The following OFD1 variants were observed in gnomAD, a reference collection of about 807,000 sequenced individuals.
The protein encoded by OFD1 is centriole and centriolar satellite protein OFD1.
Under a neutral mutation model 81.4 loss-of-function variants are expected in OFD1, and 12 were observed. The ratio of observed to expected loss-of-function variants is 0.15; its 90% CI spans 0.09 to 0.24. The LOEUF is 0.24. Ranked by LOEUF, OFD1 falls within the 10% of genes least tolerant of loss-of-function variation. The pLI is 1.00. For missense variants in OFD1, 685 were observed against 733.9 expected (o/e 0.93, Z 0.77); for synonymous variants, 256 against 263.7 (o/e 0.97, Z 0.28).
chrX:13,772,828 C>CTGA, downstream of OFD1: 2 of 1,143,409 alleles, frequency 1.7e-6, no homozygotes, highest in Non-Finnish European at 2.4e-6. Context: ...GAGCAGCTGT[C>CTGA]TGATGATTTG....
At chrX:13,755,551 A>G (rs988257998) in intron 12 of OFD1, among the ~76,000 whole-genome samples, 2 of 111,602 alleles carry the variant, frequency 1.8e-5, no homozygotes, top group Non-Finnish European at 3.8e-5. Flanking sequence ...TTTCCACATT[A>G]TAGGGTTGTT....
Position 13,760,397 on chromosome X carries a change from A to G in OFD1, c.1937A>G (p.Glu646Gly), listed in dbSNP as rs1460866915. Residue 646 changes from glutamate to glycine, a missense_variant, in exon 16 of 23, where the codon GAA becomes GGA. Physicochemically the swap from Glu to Gly is moderately conservative, Grantham distance 98. Coordinates refer to ENST00000340096, the MANE Select transcript of OFD1 (RefSeq NM_003611.3). ...CTTCAGCAAGAGGCCGAACGCTTGG[A>G]AAAGGCTTTCAGAAGTTACCATCGG... ...KELQQEAERL[E>G]KAFRSYHRRV... is the part of the protein sequence containing the mutation. 1 of 1,206,117 alleles carries G rather than the reference A, an allele frequency of 8.3e-7. No homozygotes were observed. The highest frequency in any genetic ancestry group is 1.1e-6 in the Non-Finnish European group (1 of 893,024).
intron 18 of OFD1, among the ~76,000 whole-genome samples, chrX:13,762,704 T>C (rs373657763): frequency 1.3e-4 from 15 of 112,715 alleles, no homozygotes; most frequent in African/African-American, 4.5e-4. Flanking sequence ...TATTAACTTA[T>C]CAGATTTTAA....
At chrX:13,740,464 T>C (rs1039828381) in intron 5 of OFD1, among the ~76,000 whole-genome samples, 2 of 112,052 alleles carry the variant, frequency 1.8e-5, no homozygotes, top group Non-Finnish European at 3.8e-5. Context: ...AACTATTACT[T>C]CAAAAGGAAA....
At chrX:13,714,574 T>G in the OFD1 span, 1 of 610,711 alleles carries the variant, frequency 1.6e-6, no homozygotes, top group Non-Finnish European at 2.4e-6. Context: ...AGGAAATCAT[T>G]TTAAAGTTTT....
chrX:13,747,436 A>C (rs1347783080), intron 8 of OFD1, among the ~76,000 whole-genome samples: 2 of 111,675 alleles, frequency 1.8e-5, no homozygotes, highest in Admixed American at 9.5e-5. Context: ...ATTTGTAAGT[A>C]TCTCTCTGTC....
chrX:13,714,637 A>T, the OFD1 span: 1 of 385,806 alleles, frequency 2.6e-6, no homozygotes, highest in Non-Finnish European at 4.5e-6. Context: ...TTTAAGTTTT[A>T]TTGAAAATGC....
At position 13,751,333 on chromosome X, in the gene OFD1, G is replaced by A. The variant is rs5979959; in HGVS notation, c.1020G>A (p.Glu340=). 1.1e-3 allele frequency: 1,306 copies of A among 1,199,911 alleles called. 9 individuals carry two copies. The African/African-American group carries it at 0.02, about 19-fold the overall frequency. ...RQEQNIKSFE[E]TYDRKLKNEL... is the part of the protein sequence containing the mutation. ...AGCAGAATATAAAGAGTTTTGAGGAGACCTATGACCGAAAGCTCAAGAATG... is the reference window on the plus strand; with the variant it reads ...AGCAGAATATAAAGAGTTTTGAGGAAACCTATGACCGAAAGCTCAAGAATG... The change falls in exon 10 of 23, where the codon GAG becomes GAA. Residue 340 remains glutamate, a synonymous_variant. Coordinates refer to ENST00000340096, the MANE Select transcript of OFD1 (RefSeq NM_003611.3).
the OFD1 span, chrX:13,715,705 T>G: frequency 1.5e-6 from 1 of 650,286 alleles, no homozygotes; most frequent in Non-Finnish European, 1.9e-6. Flanking sequence ...TAGGCTGCTT[T>G]CTTGCTGTCT....
At chrX:13,771,387 TAA>T (rs36124011), downstream of OFD1, 98 of 100,804 alleles carry the variant, frequency 9.7e-4, no homozygotes, top group South Asian at 0.024. Context: ...TCTCTTAATT[TAA>T]AAAAAAAAAA....
At position 13,743,748 on chromosome X, in the gene OFD1, G is replaced by GTTTTTCCCCATT. The variant is rs199580554; in HGVS notation, c.413-663_413-652dup. On this transcript the variant is annotated intron_variant, in intron 5 of 22. Coordinates refer to ENST00000340096, the MANE Select transcript of OFD1 (RefSeq NM_003611.3). ...GTAGTTTTTTCTGCAAACTACCCAT[G>GTTTTTCCCCATT]TTTTTCCCCATTTTTCTGATTTTTT... Among the ~76,000 whole-genome samples, 1,262 of 108,841 alleles carry GTTTTTCCCCATT rather than the reference G, an allele frequency of 0.012. 71 individuals carry two copies. In the Admixed American group the frequency reaches 0.12, roughly 10 times the overall value. The allele number at this position is 108,841 out of a possible 115,157, so 94.5% of individuals were successfully genotyped here. A position where few individuals can be genotyped will look rare whatever the true frequency, so the allele number is the denominator to read the frequency against.
Position 13,762,394 on chromosome X carries a change from T to G in OFD1, c.2438T>G (p.Val813Gly). 8.3e-7 allele frequency: 1 copy of G among 1,203,150 alleles called. No individual in the cohort carries two copies. The highest frequency in any genetic ancestry group is 1.8e-5 in the South Asian group (1 of 56,755). ...CAAGACAAAAGTGAATTTTCAGATG[T>G]GGACAAGCTAGCTTTTAAGGATAAT... ...ELQDKSEFSD[V>G]DKLAFKDNEE... Residue 813 changes from valine to glycine, a missense_variant, in exon 18 of 23, where the codon GTG (valine) becomes GGG (glycine). Transcript: ENST00000340096.
intron 22 of OFD1, 121 bp downstream of exon 22, chrX:13,768,906 TATAA>T: frequency 1.3e-6 from 1 of 781,317 alleles, no homozygotes; most frequent in Non-Finnish European, 2.0e-6. Flanking sequence ...AATTAGTGAC[TATAA>T]AAACAATTGA....
chrX:13,738,381 A>G (rs2046957801), intron 3 of OFD1, among the ~76,000 whole-genome samples: 1 of 113,030 alleles, frequency 8.8e-6, no homozygotes, highest in Non-Finnish European at 1.9e-5. Context: ...ATACTGTAGT[A>G]GAAATATATT....
At chrX:13,750,099 A>T (rs1022395901) in intron 9 of OFD1, among the ~76,000 whole-genome samples, 4 of 112,276 alleles carry the variant, frequency 3.6e-5, no homozygotes, top group African/African-American at 1.3e-4. Context: ...TGCTATTGAC[A>T]CCCATAGATA....
chrX:13,752,935 C>G (rs1223920395), intron 10 of OFD1: 1 of 902,851 alleles, frequency 1.1e-6, no homozygotes, highest in Non-Finnish European at 1.4e-6. Context: ...GTGCTTAGTC[C>G]CTGAGCACAA....
intron 5 of OFD1, 32 bp from the exon 6 acceptor site, chrX:13,744,383 C>T (rs1273367689): frequency 1.2e-6 from 1 of 858,462 alleles, no homozygotes; most frequent in African/African-American, 2.0e-5. Flanking sequence ...GTTGAAAGTT[C>T]TGAAACAAAA....
At chrX:13,763,469 T>C (rs1307590794) in intron 18 of OFD1, among the ~76,000 whole-genome samples, 2 of 112,865 alleles carry the variant, frequency 1.8e-5, no homozygotes, top group East Asian at 2.7e-4. Context: ...AGCAAGCCAA[T>C]TGAATTCTTC....
At chrX:13,755,117 A>G (rs766605967) in intron 11 of OFD1, 34 bp from the exon 12 acceptor site, 4 of 1,030,403 alleles carry the variant, frequency 3.9e-6, no homozygotes, top group Non-Finnish European at 5.5e-6. Context: ...CTAGGAAAAC[A>G]TTATGGTGTT....
Sources: gnomAD v4.1 joint callset for allele counts (sites outside exome capture counted in the v4.1 genomes callset) on GRCh38, gnomAD v4.1.1 for gene constraint, MANE v1.5 for transcripts, NCBI Gene and HGNC (gene_info 2026-07-23, HGNC 2026-07-21) for gene names.